LRRC3B: variants seen among roughly 807,000 people sequenced by gnomAD.
The protein encoded by LRRC3B is leucine-rich repeat-containing protein 3B.
A neutral mutation model predicts 12.8 loss-of-function variants in LRRC3B; 2 were observed. That is an observed-to-expected ratio of 0.16 (90% confidence interval 0.06 to 0.49). The LOEUF (loss-of-function observed/expected upper bound fraction) is 0.49, where lower values mean the gene tolerates loss of function less well. LRRC3B is among the 20% of genes least tolerant of loss of function. The pLI, the probability that LRRC3B is intolerant of heterozygous loss-of-function variation, is 0.96. For synonymous variants in LRRC3B, 132 were observed against 122.0 expected (o/e 1.08, Z -0.54); for missense variants, 189 against 319.4 (o/e 0.59, Z 3.11).
chr3:26,638,204 T>A (rs899864305), intron 1 of LRRC3B, among the ~76,000 whole-genome samples: 1 of 152,180 alleles, frequency 6.6e-6, no homozygotes, highest in African/African-American at 2.4e-5. Flanking sequence ...CTATATATTA[T>A]GAGGTGCTAT....
chr3:26,664,263 G>A (rs1699552891), intron 1 of LRRC3B, among the ~76,000 whole-genome samples: 1 of 152,042 alleles, frequency 6.6e-6, no homozygotes, highest in Admixed American at 6.6e-5. Flanking sequence ...GAGTGAGCTT[G>A]GCCCATTGCT....
At chr3:26,630,234 G>A (rs1301468954) in intron 1 of LRRC3B, among the ~76,000 whole-genome samples, 2 of 152,170 alleles carry the variant, frequency 1.3e-5, no homozygotes, top group African/African-American at 4.8e-5. Context: ...AGAGGGCAAG[G>A]TCTCTTTCTC....
chr3:26,691,105 G>GTGTGTATATATATA lies in LRRC3B; in HGVS notation c.-160-18407_-160-18406insGTGTATATATATAT, dbSNP rs372629683. Reference sequence around the variant, plus strand: ...TGTGTGTGTATATGTGTGTGTGTGTGTATATATATATATATATATATATAT... The same window carrying GTGTGTATATATATA: ...TGTGTGTGTATATGTGTGTGTGTGTGTGTGTATATATATATATATATATATATATATATATATAT... On this transcript the variant is annotated intron_variant, in intron 1 of 1. Coordinates refer to ENST00000396641, the Ensembl canonical transcript of LRRC3B. 4.0e-3 allele frequency among the ~76,000 whole-genome samples: 340 copies of GTGTGTATATATATA among 84,804 alleles called. 5 individuals are homozygous for GTGTGTATATATATA. The highest frequency in any genetic ancestry group is 0.023 in the Admixed American group (146 of 6,486). The allele number at this position is 84,804 out of a possible 152,430, so 55.6% of individuals were successfully genotyped here.
intron 1 of LRRC3B, among the ~76,000 whole-genome samples, chr3:26,651,863 G>T (rs1699271727): frequency 6.6e-6 from 1 of 152,156 alleles, no homozygotes; most frequent in Admixed American, 6.5e-5. Flanking sequence ...GACATATATT[G>T]AGAGTTTACT....
chr3:26,694,514 G>A (rs1276709773), intron 1 of LRRC3B: 3 of 152,162 alleles, frequency 2.0e-5, no homozygotes, highest in Non-Finnish European at 4.4e-5. Context: ...TGTATTCAGA[G>A]CTAATAATAT....
At chr3:26,637,952 A>T (rs1341394329) in intron 1 of LRRC3B, among the ~76,000 whole-genome samples, 2 of 152,236 alleles carry the variant, frequency 1.3e-5, no homozygotes, top group Non-Finnish European at 2.9e-5. Context: ...CATGTATATC[A>T]TATTTCAAAC....
At chr3:26,673,344 G>C (rs1699792166) in intron 1 of LRRC3B, among the ~76,000 whole-genome samples, 1 of 152,262 alleles carries the variant, frequency 6.6e-6, no homozygotes, top group East Asian at 1.9e-4. Context: ...CTTTGTGTGA[G>C]ATGAAAACCC....
At chr3:26,665,802 T>C (rs990116079) in intron 1 of LRRC3B, among the ~76,000 whole-genome samples, 1 of 152,194 alleles carries the variant, frequency 6.6e-6, no homozygotes, top group African/African-American at 2.4e-5. Context: ...CTTGGTTCTT[T>C]GTAAGAGTTC....
At chr3:26,702,622 A>G (rs1418377012) in intron 1 of LRRC3B, among the ~76,000 whole-genome samples, 2 of 152,178 alleles carry the variant, frequency 1.3e-5, no homozygotes. Flanking sequence ...GGAGATTGTT[A>G]TGAACCATCG....
At chr3:26,663,947 T>C (rs7630278) in intron 1 of LRRC3B, among the ~76,000 whole-genome samples, 109,911 of 151,930 alleles carry the variant, frequency 0.72, 40,019 homozygotes, top group East Asian at 0.87. Context: ...TTTAATTCAA[T>C]CAGAGGATTT....
intron 1 of LRRC3B, among the ~76,000 whole-genome samples, chr3:26,642,141 C>G (rs1269413787): frequency 6.6e-6 from 1 of 152,242 alleles, no homozygotes; most frequent in African/African-American, 2.4e-5. Context: ...TCTGCTTCTA[C>G]ATTCACTCTG....
intron 1 of LRRC3B, among the ~76,000 whole-genome samples, chr3:26,657,306 T>A (rs1699391678): frequency 6.6e-6 from 1 of 152,238 alleles, no homozygotes; most frequent in Admixed American, 6.5e-5. Context: ...ACAGTCTGAA[T>A]CACCTCCATG....
At chr3:26,651,021 G>T (rs1288299339) in intron 1 of LRRC3B, among the ~76,000 whole-genome samples, 1 of 152,152 alleles carries the variant, frequency 6.6e-6, no homozygotes, top group Non-Finnish European at 1.5e-5. Context: ...CACACTTGTG[G>T]TGTTTATATT....
At chr3:26,693,328 CAAAA>C (rs71950080) in intron 1 of LRRC3B, among the ~76,000 whole-genome samples, 1 of 96,118 alleles carries the variant, frequency 1.0e-5, no homozygotes, top group East Asian at 2.6e-4. Context: ...AACTCCGTCT[CAAAA>C]AAAAAAAAAA....
intron 1 of LRRC3B, among the ~76,000 whole-genome samples, chr3:26,686,517 C>T (rs1024524371): frequency 2.0e-5 from 3 of 152,178 alleles, no homozygotes; most frequent in Admixed American, 1.3e-4. Context: ...CCTGCATCCC[C>T]CACCAACCAA....
At chr3:26,635,947 GA>G (rs1401306987) in intron 1 of LRRC3B, among the ~76,000 whole-genome samples, 1 of 152,188 alleles carries the variant, frequency 6.6e-6, no homozygotes, top group East Asian at 1.9e-4. Flanking sequence ...TTGAGATTAA[GA>G]AAAAATAAAT....
chr3:26,668,820 T>C (rs1699661280), intron 1 of LRRC3B, among the ~76,000 whole-genome samples: 1 of 152,246 alleles, frequency 6.6e-6, no homozygotes, highest in South Asian at 2.1e-4. Flanking sequence ...TTTCAATGCA[T>C]ATAGACTGCA....
intron 1 of LRRC3B, among the ~76,000 whole-genome samples, chr3:26,671,352 A>G (rs867131107): frequency 1.0e-3 from 43 of 42,910 alleles, no homozygotes; most frequent in Non-Finnish European, 1.4e-3. Flanking sequence ...ATATGTGTGT[A>G]TATATATATA....
chr3:26,685,517 CTCTCTCTATATA>C (rs1246875188), intron 1 of LRRC3B, among the ~76,000 whole-genome samples: 79 of 53,500 alleles, frequency 1.5e-3, no homozygotes, highest in African/African-American at 5.6e-3. Context: ...CTCTCTCTCT[CTCTCTCTATATA>C]TATATATATA....
Sources: gnomAD v4.1 joint callset for allele counts (sites outside exome capture counted in the v4.1 genomes callset) on GRCh38, gnomAD v4.1.1 for gene constraint, MANE v1.5 for transcripts, NCBI Gene and HGNC (gene_info 2026-07-23, HGNC 2026-07-21) for gene names.